Variants in GRM8 observed in about 807,000 individuals in gnomAD.
The protein encoded by GRM8 is glutamate metabotropic receptor 8.
GRM8 carries 47 observed loss-of-function variants against 87.2 expected under a neutral mutation model. That is an observed-to-expected ratio of 0.54 (90% CI 0.43 to 0.69). The LOEUF (loss-of-function observed/expected upper bound fraction) is 0.69. GRM8 is among the 30% of genes least tolerant of loss of function. The pLI, the probability that GRM8 is intolerant of heterozygous loss-of-function variation, is 0.00. For synonymous variants in GRM8, 396 were observed against 404.5 expected, an observed-to-expected ratio of 0.98 and a Z score of 0.25; for missense variants, 1,019 against 1,139.2, an observed-to-expected ratio of 0.89 and a Z score of 1.52.
At chr7:126,638,533 T>C (rs1183176470) in intron 7 of GRM8, among the ~76,000 whole-genome samples, 1 of 152,180 alleles carries the variant, frequency 6.6e-6, no homozygotes, top group Non-Finnish European at 1.5e-5. Flanking sequence ...AGTAGGTTTA[T>C]TTAGAAAGGC....
rs200075100 is a variant in GRM8, at chr7:127,242,847, C to A, written c.358G>T (p.Val120Leu). 1 of 1,614,112 alleles carries A rather than the reference C, an allele frequency of 6.2e-7. No homozygotes were observed. The highest frequency in any genetic ancestry group is 8.5e-7 in the Non-Finnish European group (1 of 1,180,004). Residue 120 changes from valine to leucine, a missense_variant, in exon 2 of 11, where the codon GTG becomes TTG. Transcript: ENST00000339582. Reference sequence around the variant, plus strand: ...GCATCTTTCTCTATTAATGCCTGCACGAATGTTAGAGACTGCTCCAAAGCA... The same window carrying A: ...GCATCTTTCTCTATTAATGCCTGCAAGAATGTTAGAGACTGCTCCAAAGCA... Reference protein sequence around the residue: ...TYALEQSLTFVQALIEKDASD... With the variant: ...TYALEQSLTFLQALIEKDASD...
At chr7:126,609,573 G>GA (rs940096331) in intron 7 of GRM8, 75 bp from the exon 8 acceptor site, 10 of 1,081,958 alleles carry the variant, frequency 9.2e-6, no homozygotes, top group Non-Finnish European at 1.4e-5. Context: ...CTTTTAGAAG[G>GA]AATGGTAGAT....
chr7:126,991,536 T>C (rs1311110370), intron 3 of GRM8, among the ~76,000 whole-genome samples: 2 of 152,228 alleles, frequency 1.3e-5, no homozygotes, highest in Non-Finnish European at 2.9e-5. Flanking sequence ...AAAGAGATTA[T>C]AATTTTTAAT....
intron 6 of GRM8, among the ~76,000 whole-genome samples, chr7:126,902,188 T>C (rs1586386020): frequency 6.6e-6 from 1 of 152,212 alleles, no homozygotes; most frequent in African/African-American, 2.4e-5. Flanking sequence ...CTTATCATGA[T>C]ACATATTACA....
chr7:126,520,638 C>A (rs1436249944), intron 9 of GRM8, among the ~76,000 whole-genome samples: 3 of 151,956 alleles, frequency 2.0e-5, no homozygotes, highest in East Asian at 3.8e-4. Context: ...TGTGGTTTCC[C>A]AGAGTGCAGG....
intron 3 of GRM8, among the ~76,000 whole-genome samples, chr7:127,092,638 C>T (rs879554234): frequency 6.6e-5 from 10 of 152,136 alleles, no homozygotes; most frequent in Non-Finnish European, 1.0e-4. Context: ...ACCCAGGAAG[C>T]GGATATTGCA....
chr7:127,185,304 A>T (rs1178663378), intron 2 of GRM8, among the ~76,000 whole-genome samples: 1 of 152,092 alleles, frequency 6.6e-6, no homozygotes, highest in African/African-American at 2.4e-5. Context: ...TCAGAAATAG[A>T]CCCAAACAAA....
intron 6 of GRM8, among the ~76,000 whole-genome samples, chr7:126,882,953 A>G (rs1276428125): frequency 6.6e-6 from 1 of 152,232 alleles, no homozygotes; most frequent in Non-Finnish European, 1.5e-5. Flanking sequence ...GGCTGTGTCT[A>G]TAAGACAGTT....
intron 9 of GRM8, among the ~76,000 whole-genome samples, chr7:126,458,388 A>C (rs1803504078): frequency 6.6e-6 from 1 of 151,224 alleles, no homozygotes; most frequent in African/African-American, 2.4e-5. Context: ...TCTGGAAAGT[A>C]ATATTAATAT....
chr7:126,836,540 A>G (rs76490021), intron 6 of GRM8, among the ~76,000 whole-genome samples: 1,829 of 151,888 alleles, frequency 0.012, 43 homozygotes, highest in East Asian at 0.068. Context: ...CCTCATTCAC[A>G]CTGGCCTCCC....
intron 9 of GRM8, among the ~76,000 whole-genome samples, chr7:126,451,932 T>C (rs1459412706): frequency 1.3e-5 from 2 of 151,734 alleles, no homozygotes; most frequent in African/African-American, 4.8e-5. Context: ...CCTAAAAGTC[T>C]ATATATTTTA....
At chr7:126,825,609 TA>T (rs761738245) in intron 6 of GRM8, among the ~76,000 whole-genome samples, 4 of 152,138 alleles carry the variant, frequency 2.6e-5, no homozygotes, top group African/African-American at 4.8e-5. Context: ...TTAATAGTGT[TA>T]AAGGACTGGG....
intron 3 of GRM8, among the ~76,000 whole-genome samples, chr7:126,958,934 CTG>C (rs1185987627): frequency 6.6e-6 from 1 of 152,204 alleles, no homozygotes; most frequent in Non-Finnish European, 1.5e-5. Context: ...GTTATCAAAA[CTG>C]TGAGGGGTTG....
intron 9 of GRM8, among the ~76,000 whole-genome samples, chr7:126,460,954 G>A (rs564215112): frequency 1.3e-4 from 20 of 151,556 alleles, no homozygotes; most frequent in Non-Finnish European, 2.8e-4. Flanking sequence ...GAAGCCCTAG[G>A]CATCTAAATC....
At chr7:126,573,588 TA>T (rs1181952610) in intron 8 of GRM8, among the ~76,000 whole-genome samples, 1 of 133,600 alleles carries the variant, frequency 7.5e-6, no homozygotes, top group Admixed American at 7.4e-5. Flanking sequence ...ATTTATTTTT[TA>T]ATTTTTTTTT....
chr7:127,232,140 A>G (rs1797720590), intron 2 of GRM8, among the ~76,000 whole-genome samples: 1 of 151,620 alleles, frequency 6.6e-6, no homozygotes, highest in Admixed American at 6.6e-5. Context: ...GGCTTGCCCT[A>G]TGCCAGAGCC....
intron 9 of GRM8, among the ~76,000 whole-genome samples, chr7:126,472,824 C>T (rs868352024): frequency 6.6e-6 from 1 of 152,170 alleles, no homozygotes; most frequent in Admixed American, 6.5e-5. Flanking sequence ...GGACTTGGTG[C>T]CCTGAGTCCC....
intron 3 of GRM8, among the ~76,000 whole-genome samples, chr7:126,970,538 C>T (rs994749513): frequency 2.2e-5 from 3 of 138,544 alleles, no homozygotes; most frequent in Middle Eastern, 3.4e-3. Flanking sequence ...TAGGTTTTGG[C>T]TTATGGGAAT....
At chr7:127,165,708 T>C (rs1232314970) in intron 2 of GRM8, among the ~76,000 whole-genome samples, 2 of 152,186 alleles carry the variant, frequency 1.3e-5, no homozygotes, top group South Asian at 2.1e-4. Context: ...CAGCCTGCCT[T>C]ACACCTTTAA....
Sources: gnomAD v4.1 joint callset for allele counts (sites outside exome capture counted in the v4.1 genomes callset) on GRCh38, gnomAD v4.1.1 for gene constraint, MANE v1.5 for transcripts, NCBI Gene and HGNC (gene_info 2026-07-23, HGNC 2026-07-21) for gene names.